The following PDE8B variants were observed in gnomAD, a reference collection of about 807,000 sequenced individuals.
The protein encoded by PDE8B is high affinity cAMP-specific and IBMX-insensitive 3',5'-cyclic phosphodiesterase 8B.
PDE8B carries 26 observed loss-of-function variants against 101.3 expected under a neutral mutation model. The ratio of observed to expected loss-of-function variants is 0.26; its 90% CI spans 0.19 to 0.36. The LOEUF (loss-of-function observed/expected upper bound fraction) is 0.36. Ranked by LOEUF, PDE8B falls within the 10% of genes least tolerant of loss-of-function variation. The pLI is 1.00. For synonymous variants in PDE8B, 424 were observed against 429.3 expected (o/e 0.99, Z 0.15); for missense variants, 810 against 1,163.1 (o/e 0.70, Z 4.42).
intron 10 of PDE8B, among the ~76,000 whole-genome samples, chr5:77,357,058 C>A (rs537854535): frequency 6.6e-6 from 1 of 152,164 alleles, no homozygotes; most frequent in Non-Finnish European, 1.5e-5. Flanking sequence ...CTTAAGCAAA[C>A]CTATAGAGAA....
At chr5:77,330,617 C>T (rs895552028) in intron 4 of PDE8B, among the ~76,000 whole-genome samples, 1 of 152,224 alleles carries the variant, frequency 6.6e-6, no homozygotes, top group African/African-American at 2.4e-5. Context: ...CAAGTCAGCA[C>T]TGGGACTTCT....
At chr5:77,153,903 G>A in the PDE8B span, among the ~76,000 whole-genome samples, 3 of 152,104 alleles carry the variant, frequency 2.0e-5, no homozygotes, top group East Asian at 1.9e-4. Context: ...AATGTTGTCC[G>A]ATTTGCTAAT....
intron 1 of PDE8B, among the ~76,000 whole-genome samples, chr5:77,304,426 A>G (rs1770702452): frequency 6.6e-6 from 1 of 151,940 alleles, no homozygotes; most frequent in Admixed American, 6.6e-5. Context: ...TCTGGTTACT[A>G]GTATTTTTGG....
At chr5:77,259,305 A>G (rs1459010210) in intron 1 of PDE8B, among the ~76,000 whole-genome samples, 2 of 152,038 alleles carry the variant, frequency 1.3e-5, no homozygotes. Flanking sequence ...CACTTGGCCC[A>G]TAGAACAGGT....
intron 1 of PDE8B, among the ~76,000 whole-genome samples, chr5:77,287,509 T>C (rs905763127): frequency 6.6e-6 from 1 of 152,126 alleles, no homozygotes; most frequent in African/African-American, 2.4e-5. Flanking sequence ...TTCTTCAATA[T>C]TGGAATATTC....
Position 77,240,315 on chromosome 5 carries a change from G to A in PDE8B, c.339+29051G>A, listed in dbSNP as rs530810863. Among the ~76,000 whole-genome samples, 641 of 152,172 alleles carry A rather than the reference G, an allele frequency of 4.2e-3. 3 individuals are homozygous for A. The highest frequency in any genetic ancestry group is 6.5e-3 in the Non-Finnish European group (442 of 68,002). On this transcript the variant is annotated intron_variant, in intron 1 of 21. Transcript: ENST00000264917. Reference sequence around the variant, plus strand: ...ACTACAGACGCCCGCCACCGCGCCCGGCTACTTTTTTGTATTTTTAGTAGA... The same window carrying A: ...ACTACAGACGCCCGCCACCGCGCCCAGCTACTTTTTTGTATTTTTAGTAGA...
the PDE8B span, among the ~76,000 whole-genome samples, chr5:77,130,527 C>G: frequency 9.9e-5 from 15 of 152,140 alleles, no homozygotes; most frequent in African/African-American, 3.6e-4. Context: ...ATTTATTTAA[C>G]CCTCATGACA....
At chr5:77,353,671 T>G (rs1483199320) in intron 10 of PDE8B, among the ~76,000 whole-genome samples, 2 of 152,138 alleles carry the variant, frequency 1.3e-5, no homozygotes, top group African/African-American at 4.8e-5. Context: ...AGGCATAAAA[T>G]TTTTCCTCCA....
intron 10 of PDE8B, among the ~76,000 whole-genome samples, chr5:77,398,192 G>A (rs1791472572): frequency 6.6e-6 from 1 of 151,408 alleles, no homozygotes; most frequent in Admixed American, 6.6e-5. Context: ...AGAGTGCAGA[G>A]GCCTTAATAC....
chr5:77,423,952 TTA>T (rs1491161867), intron 20 of PDE8B, among the ~76,000 whole-genome samples: 4 of 151,994 alleles, frequency 2.6e-5, no homozygotes, highest in Non-Finnish European at 4.4e-5. Flanking sequence ...ATTTTTTTTT[TTA>T]TGTTTATTGG....
chr5:77,101,375 CTCAGAGAAACTA>C, the PDE8B span, among the ~76,000 whole-genome samples: 1 of 152,098 alleles, frequency 6.6e-6, no homozygotes, highest in African/African-American at 2.4e-5. Flanking sequence ...TCGCTCTGTC[CTCAGAGAAACTA>C]TCAGCATGCT....
At position 77,272,598 on chromosome 5, in the gene PDE8B, A is replaced by G. The variant is rs930342449; in HGVS notation, c.340-39396A>G. 3.9e-5 allele frequency among the ~76,000 whole-genome samples: 6 copies of G among 152,178 alleles called. No individual in the cohort carries two copies. The South Asian group carries it at 1.0e-3, about 26-fold the overall frequency. Reference sequence around the variant, plus strand: ...GGTTTGGAGCTATCTTCTCTGAGCTACTGCTTGCCACCCTGGAAGGCTGTG... The same window carrying G: ...GGTTTGGAGCTATCTTCTCTGAGCTGCTGCTTGCCACCCTGGAAGGCTGTG... On this transcript the variant is annotated intron_variant, in intron 1 of 21. Coordinates refer to ENST00000264917, the MANE Select transcript of PDE8B (RefSeq NM_003719.5).
At chr5:77,200,010 G>T in the PDE8B span, among the ~76,000 whole-genome samples, 19 of 150,254 alleles carry the variant, frequency 1.3e-4, no homozygotes, top group Non-Finnish European at 2.1e-4. Flanking sequence ...TGTCTTCTCA[G>T]GTTTAAACTC....
At chr5:77,413,090 G>T in intron 16 of PDE8B, 21 bp from the exon 17 acceptor site, 1 of 1,603,604 alleles carries the variant, frequency 6.2e-7, no homozygotes, top group Non-Finnish European at 8.5e-7. Flanking sequence ...ATGAGCCAGG[G>T]TGGGTTTTCC....
At chr5:77,299,877 ACAGT>A (rs990431879) in intron 1 of PDE8B, among the ~76,000 whole-genome samples, 1 of 152,212 alleles carries the variant, frequency 6.6e-6, no homozygotes, top group Non-Finnish European at 1.5e-5. Flanking sequence ...GAACTAGTTT[ACAGT>A]CCCACCAACA....
At chr5:77,381,869 T>C (rs1736888101) in intron 10 of PDE8B, among the ~76,000 whole-genome samples, 1 of 152,234 alleles carries the variant, frequency 6.6e-6, no homozygotes, top group South Asian at 2.1e-4. Flanking sequence ...TTACACTTGG[T>C]AGATTGACAG....
At chr5:77,107,009 G>A in the PDE8B span, among the ~76,000 whole-genome samples, 9 of 151,878 alleles carry the variant, frequency 5.9e-5, no homozygotes, top group Admixed American at 2.6e-4. Flanking sequence ...CCATTAACTC[G>A]TCATTTACAT....
At chr5:77,255,584 C>G (rs977044395) in intron 1 of PDE8B, among the ~76,000 whole-genome samples, 1 of 152,216 alleles carries the variant, frequency 6.6e-6, no homozygotes. Context: ...TCCCCAGCCC[C>G]GAACTCCCCT....
chr5:77,391,723 G>A (rs574118120), intron 10 of PDE8B, among the ~76,000 whole-genome samples: 4 of 152,332 alleles, frequency 2.6e-5, no homozygotes, highest in South Asian at 4.1e-4. Flanking sequence ...CGAGCCAATC[G>A]GCTGGCCCGA....
Sources: gnomAD v4.1 joint callset for allele counts (sites outside exome capture counted in the v4.1 genomes callset) on GRCh38, gnomAD v4.1.1 for gene constraint, MANE v1.5 for transcripts, NCBI Gene and HGNC (gene_info 2026-07-23, HGNC 2026-07-21) for gene names.